The following MIDEAS variants were observed in gnomAD, a reference collection of about 807,000 sequenced individuals.
MIDEAS encodes the protein mitotic deacetylase associated SANT domain protein, also known as mitotic deacetylase-associated SANT domain protein.
MIDEAS carries 26 observed loss-of-function variants against 102.7 expected under a neutral mutation model. That is an observed-to-expected ratio of 0.25 (90% CI 0.19 to 0.35). The LOEUF is 0.35. Ranked by LOEUF, MIDEAS falls within the 10% of genes least tolerant of loss-of-function variation. The pLI is 1.00. For missense variants in MIDEAS, 1,231 were observed against 1,435.6 expected (o/e 0.86, Z 2.30); for synonymous variants, 585 against 591.0 (o/e 0.99, Z 0.15).
In MIDEAS at chr14:73,727,443, C is replaced by A. The variant is rs773371857; in HGVS notation, c.2162+15G>T. On this transcript the variant is annotated intron_variant, in intron 5 of 12. Transcript: ENST00000423556. ...GCCACCCACACCCCTCGGCCAGGGG[C>A]AGGGCTGCACTTACGGCTCGATGCT... 3 of 1,613,828 alleles carry A rather than the reference C, an allele frequency of 1.9e-6. No individual in the cohort carries two copies. The highest frequency in any genetic ancestry group is 3.3e-5 in the Admixed American group (2 of 59,996).
At chr14:73,782,180 C>T (rs1160849684) in intron 1 of MIDEAS, among the ~76,000 whole-genome samples, 2 of 152,144 alleles carry the variant, frequency 1.3e-5, no homozygotes, top group Non-Finnish European at 2.9e-5. Flanking sequence ...TTGTGATTAA[C>T]AGCATGAGGA....
upstream of MIDEAS, chr14:73,788,878 TA>T (rs2053843005): frequency 1.3e-5 from 2 of 152,250 alleles, no homozygotes; most frequent in African/African-American, 4.8e-5. Flanking sequence ...AAGAGCTGAA[TA>T]TTTTTTTTGT....
chr14:73,756,730 G>A (rs552064214), intron 1 of MIDEAS, among the ~76,000 whole-genome samples: 1 of 152,298 alleles, frequency 6.6e-6, no homozygotes, highest in Admixed American at 6.5e-5. Flanking sequence ...CTAGGGAGAT[G>A]GCTCCACAAC....
At chr14:73,734,364 A>G (rs10135860) in intron 3 of MIDEAS, among the ~76,000 whole-genome samples, 3,149 of 152,270 alleles carry the variant, frequency 0.021, 47 homozygotes, top group Middle Eastern at 0.065. Flanking sequence ...ACTATACATA[A>G]TAAGTTAAAT....
intron 1 of MIDEAS, among the ~76,000 whole-genome samples, chr14:73,753,127 G>A (rs1177592530): frequency 2.0e-5 from 3 of 152,206 alleles, no homozygotes. Flanking sequence ...CTCTTCCTGT[G>A]CATGTGCCTG....
At chr14:73,774,453 C>G (rs974808550) in intron 1 of MIDEAS, among the ~76,000 whole-genome samples, 4 of 151,864 alleles carry the variant, frequency 2.6e-5, no homozygotes, top group Non-Finnish European at 5.9e-5. Flanking sequence ...CTTGCTTTCC[C>G]CAGCTCTGTC....
chr14:73,726,726 G>A lies in MIDEAS; in HGVS notation c.2306-19C>T. On this transcript the variant is annotated intron_variant, in intron 6 of 12. Transcript: ENST00000423556. ...TCTTCCACTGGATCCACAGGAGCAT[G>A]AGGAGGGAGGGGAGGAAACCACGTT... 1 of 1,614,046 alleles carries A rather than the reference G, an allele frequency of 6.2e-7. No homozygotes were observed. Among genetic ancestry groups the A allele is most frequent in the Non-Finnish European group, 8.5e-7 (1 of 1,179,918 alleles).
rs758883544 is a variant in MIDEAS, at chr14:73,727,562, C to G, written c.2096-38G>C. On this transcript the variant is annotated intron_variant, in intron 4 of 12. Coordinates refer to ENST00000423556, the MANE Select transcript of MIDEAS (RefSeq NM_001367710.1). ...GAGCAGGTTGATAAATAGCACCCCCCTTTCAGCAAAGCACCCCCAATCCTA... is the reference window on the plus strand; with the variant it reads ...GAGCAGGTTGATAAATAGCACCCCCGTTTCAGCAAAGCACCCCCAATCCTA... 5 of 1,564,688 alleles carry G rather than the reference C, an allele frequency of 3.2e-6. No homozygotes were observed. The East Asian group carries it at 1.2e-4, about 36-fold the overall frequency.
In MIDEAS at chr14:73,739,343, G is replaced by A. The variant is rs769859350; in HGVS notation, c.666C>T (p.Gly222=). 6.2e-7 allele frequency: 1 copy of A among 1,604,470 alleles called. No homozygotes were observed. The highest frequency in any genetic ancestry group is 8.5e-7 in the Non-Finnish European group (1 of 1,174,314). ...GGAAGACCTGCCGGTTCACCTGGTG[G>A]CCGAATGCCAGCTGGAAGGGTTGCA... The part of the protein sequence containing the change: ...LPLQPFQLAF[G]HQVNRQVFRQ... Residue 222 remains glycine, a synonymous_variant, in exon 2 of 13, where the codon GGC becomes GGT. Transcript: ENST00000423556.
At chr14:73,732,099 AG>A (rs1452872073) in intron 3 of MIDEAS, among the ~76,000 whole-genome samples, 2 of 152,188 alleles carry the variant, frequency 1.3e-5, no homozygotes, top group East Asian at 1.9e-4. Context: ...TGAGCTGTGG[AG>A]CTGCTCAGGC....
rs1482529537 is a variant in MIDEAS, at chr14:73,738,685, A to G, written c.1324T>C (p.Cys442Arg). Residue 442 changes from cysteine (C) to arginine (R), a missense_variant, in exon 2 of 13, where the codon TGT becomes CGT. Transcript: ENST00000423556. ...EGMRAVSTGD[C>R]GQVLRGGVIQ... ...ACTCCGCCCCGTAGCACCTGCCCAC[A>G]GTCCCCTGTGCTCACTGCCCTCATG... is the stretch of plus-strand genomic sequence containing the variant. 6.2e-6 allele frequency: 10 copies of G among 1,613,686 alleles called. No individual in the cohort carries two copies. The highest frequency in any genetic ancestry group is 8.5e-6 in the Non-Finnish European group (10 of 1,179,924).
intron 1 of MIDEAS, among the ~76,000 whole-genome samples, chr14:73,756,295 T>TGTATGTGTGCGCGCGC (rs55692592): frequency 1.5e-3 from 190 of 127,716 alleles, no homozygotes; most frequent in African/African-American, 4.9e-3. Flanking sequence ...TGTGTGTGTG[T>TGTATGTGTGCGCGCGC]GCGCGCGCGC....
chr14:73,765,593 A>G (rs1208633791), intron 1 of MIDEAS, among the ~76,000 whole-genome samples: 1 of 152,126 alleles, frequency 6.6e-6, no homozygotes, highest in Non-Finnish European at 1.5e-5. Context: ...ACTGTTAGCT[A>G]GACTGTTAGG....
At chr14:73,732,275 G>A (rs938081323) in intron 3 of MIDEAS, among the ~76,000 whole-genome samples, 6 of 152,176 alleles carry the variant, frequency 3.9e-5, no homozygotes, top group African/African-American at 7.2e-5. Context: ...ATCTGGACTC[G>A]ATGTGCAAAA....
intron 1 of MIDEAS, among the ~76,000 whole-genome samples, chr14:73,780,091 G>T (rs1328913016): frequency 6.7e-6 from 1 of 149,312 alleles, no homozygotes; most frequent in Admixed American, 6.7e-5. Context: ...AGCCAGGATG[G>T]TCTCCATCTC....
At chr14:73,762,136 CCT>C (rs1367086782), upstream of MIDEAS, among the ~76,000 whole-genome samples, 2 of 152,252 alleles carry the variant, frequency 1.3e-5, no homozygotes, top group African/African-American at 4.8e-5. Context: ...CCTCACCTCC[CCT>C]GAGAGCCCAG....
intron 1 of MIDEAS, among the ~76,000 whole-genome samples, chr14:73,743,659 C>T (rs966455389): frequency 2.6e-5 from 4 of 152,138 alleles, no homozygotes; most frequent in East Asian, 1.9e-4. Context: ...AGAGGAAGGA[C>T]GACACCTCCA....
chr14:73,763,025 T>C (rs996889670), upstream of MIDEAS, among the ~76,000 whole-genome samples: 1 of 152,110 alleles, frequency 6.6e-6, no homozygotes, highest in Admixed American at 6.5e-5. Flanking sequence ...ATCAGCAGTA[T>C]CTAGACCATT....
chr14:73,783,423 T>C (rs13379043), intron 1 of MIDEAS, among the ~76,000 whole-genome samples: 64,336 of 152,026 alleles, frequency 0.42, 17,467 homozygotes, highest in African/African-American at 0.78. Flanking sequence ...ACACACAGAG[T>C]GGGTCACCGG....
Sources: allele counts gnomAD v4.1 joint callset (sites outside exome capture counted in the v4.1 genomes callset), GRCh38; gene constraint gnomAD v4.1.1; transcripts MANE v1.5; gene names NCBI Gene and HGNC (gene_info 2026-07-23, HGNC 2026-07-21).